HR: variants seen among roughly 807,000 people sequenced by gnomAD.
HR encodes the protein lysine-specific demethylase hairless.
Under a neutral mutation model 128.6 loss-of-function variants are expected in HR, and 83 were observed. The ratio of observed to expected loss-of-function variants is 0.65; its 90% confidence interval spans 0.54 to 0.77. The LOEUF (loss-of-function observed/expected upper bound fraction) is 0.77, where lower values mean the gene tolerates loss of function less well. HR is among the 30% of genes least tolerant of loss of function. The probability of loss-of-function intolerance (pLI) is 0.00; values close to 1 mark genes in which losing one functional copy is unlikely to be tolerated. For missense variants in HR, 1,490 were observed against 1,574.6 expected (o/e 0.95, Z 0.91); for synonymous variants, 681 against 658.2 (o/e 1.03, Z -0.53).
At position 22,129,182 on chromosome 8, in the gene HR, C is replaced by T; in HGVS notation, c.-12G>A. On this transcript the variant is annotated 5_prime_UTR_variant, in exon 2 of 19. Coordinates refer to ENST00000381418, the MANE Select transcript of HR (RefSeq NM_005144.5). ...GGCGTACTCTCCATCACTCTCCTGC[C>T]CTCATGGGGCTCTCCCAGAGGGGGG... 1 of 1,521,590 alleles carries T rather than the reference C, an allele frequency of 6.6e-7. No individual in the cohort carries two copies. Among genetic ancestry groups the T allele is most frequent in the Non-Finnish European group, 8.8e-7 (1 of 1,137,810 alleles). The allele number at this position is 1,521,590 out of a possible 1,614,324, so 94.3% of individuals were successfully genotyped here. A position where few individuals can be genotyped will look rare whatever the true frequency, so the allele number is the denominator to read the frequency against.
In HR at chr8:22,121,239, G is replaced by A. The variant is rs1292065276; in HGVS notation, c.2204-11C>T. On this transcript the variant is annotated splice_polypyrimidine_tract_variant and intron_variant, in intron 9 of 18. Transcript: ENST00000381418. Reference sequence around the variant, plus strand: ...CGGAATCGGGGGTCTCTGTCAGGGAGGAAGATGGTGGGGGGCTTCGCGTTT... The same window carrying A: ...CGGAATCGGGGGTCTCTGTCAGGGAAGAAGATGGTGGGGGGCTTCGCGTTT... 1 of 1,613,122 alleles carries A rather than the reference G, an allele frequency of 6.2e-7. No individual in the cohort carries two copies. The highest frequency in any genetic ancestry group is 2.2e-5 in the East Asian group (1 of 44,868).
intron 6 of HR, 125 bp downstream of exon 6, chr8:22,123,524 T>A (rs987813752): frequency 1.1e-6 from 1 of 914,356 alleles, no homozygotes. Context: ...CCATGGTGGC[T>A]GAGGCTGGGG....
chr8:22,126,216 AGGGCAGAGGCCT>A (rs1826886191), intron 3 of HR, among the ~76,000 whole-genome samples: 2 of 152,248 alleles, frequency 1.3e-5, no homozygotes, highest in South Asian at 2.1e-4. Context: ...ATTCCCAGCC[AGGGCAGAGGCCT>A]GGGCAGAGGG....
intron 2 of HR, 117 bp from the exon 3 acceptor site, chr8:22,127,946 T>C (rs1412162451): frequency 9.6e-7 from 1 of 1,044,676 alleles, no homozygotes; most frequent in Non-Finnish European, 1.5e-6. Flanking sequence ...CACATTCTGA[T>C]TAATAAACAG....
rs1004565717 is a variant in HR at position 22,129,329 on chromosome 8, T to C, written c.-40-119A>G. The C allele has an allele frequency of 9.1e-6, 7 of 767,626 alleles. No homozygotes were observed. In the South Asian group the frequency reaches 1.5e-4, roughly 16 times the overall value. The allele number at this position is 767,626 out of a possible 1,614,324, so 47.6% of individuals were successfully genotyped here. On this transcript the variant is annotated intron_variant, in intron 1 of 18. Transcript: ENST00000381418. ...AGGCAGCTCAAACCAGTAAGGCAAG[T>C]GCCAGCCCACAACTGGGCACCATGC... is the stretch of plus-strand genomic sequence containing the variant.
chr8:22,120,906 C>A lies in HR; in HGVS notation c.2420G>T (p.Arg807Leu). The A allele has an allele frequency of 6.4e-7, 1 of 1,560,832 alleles. No individual in the cohort carries two copies. The highest frequency in any genetic ancestry group is 8.7e-7 in the Non-Finnish European group (1 of 1,152,230). ...CCCCAGGGCTTTCTCCTGGATCTTC[C>A]GTTCCACCACCTGTGCGATAATGCT... is the stretch of plus-strand genomic sequence containing the variant. Reference protein sequence around the residue: ...LDSIIAQVVERKIQEKALGPG... With the variant: ...LDSIIAQVVELKIQEKALGPG... The change falls in exon 11 of 19, where the codon CGG (arginine) becomes CTG (leucine). Residue 807 changes from arginine (R) to leucine (L), a missense_variant. Arg to Leu is a moderately radical substitution (Grantham distance 102, BLOSUM62 -2). Around this residue, in one of 3 missense-constraint regions of HR, gnomAD observed 7 missense variants for 17.7 expected, o/e 0.40. Coordinates refer to ENST00000381418, the MANE Select transcript of HR (RefSeq NM_005144.5).
chr8:22,124,511 G>C (rs1826837047), intron 5 of HR, among the ~76,000 whole-genome samples: 1 of 152,228 alleles, frequency 6.6e-6, no homozygotes, highest in South Asian at 2.1e-4. Context: ...GGCCTCAGAG[G>C]TGGTTAGGAC....
In HR at chr8:22,120,757, G is replaced by A. The variant is rs560434995; in HGVS notation, c.2569C>T (p.Arg857Cys). 8.6e-6 allele frequency: 13 copies of A among 1,517,318 alleles called. No homozygotes were observed. Among genetic ancestry groups the A allele is most frequent in the Middle Eastern group, 2.0e-4 (1 of 5,122 alleles). The allele number at this position is 1,517,318 out of a possible 1,614,324, so 94.0% of individuals were successfully genotyped here. A position where few individuals can be genotyped will look rare whatever the true frequency, so the allele number is the denominator to read the frequency against. Reference protein sequence around the residue: ...WLQEPQPCPRRGFHLFQEHWR... With the variant: ...WLQEPQPCPRCGFHLFQEHWR... ...TGCTCCTGGAAGAGGTGGAAGCCAC[G>A]CCGAGGGCAAGGCTGGGGCTCCTGC... Residue 857 changes from arginine to cysteine, a missense_variant, in exon 11 of 19, where the codon CGT becomes TGT. By Grantham distance (180) the Arg-to-Cys change is radical. This residue lies in a region of HR where 423 missense variants were observed against 495.9 expected (regional missense o/e 0.85). Transcript: ENST00000381418.
chr8:22,120,962 C>A lies in HR; in HGVS notation c.2368-4G>T, dbSNP rs770717791. 12 of 1,600,948 alleles carry A rather than the reference C, an allele frequency of 7.5e-6. No individual in the cohort carries two copies. The highest frequency in any genetic ancestry group is 1.6e-4 in the Middle Eastern group (1 of 6,068). The stretch of plus-strand genomic sequence containing the variant: ...GGATGTTGGTGATGCGGTCATCCTG[C>A]AGAGAGGGGCACAGGGGCTTAGGAC... On this transcript the variant is annotated splice_polypyrimidine_tract_variant and splice_region_variant and intron_variant, in intron 10 of 18. Coordinates refer to ENST00000381418, the MANE Select transcript of HR (RefSeq NM_005144.5).
At position 22,121,180 on chromosome 8, in the gene HR, C is replaced by T; in HGVS notation, c.2252G>A (p.Gly751Glu). ...ETPAEDRAGR[G>E]PLPCPSLCEL... ...GCAGAGAGAAGGACAAGGCAGGGGC[C>T]CTCGGCCAGCACGGTCCTCTGCTGG... is the stretch of plus-strand genomic sequence containing the variant. Residue 751 changes from glycine to glutamate, a missense_variant, in exon 10 of 19, where the codon GGG (glycine) becomes GAG (glutamate). By Grantham distance (98) the Gly-to-Glu change is moderately conservative (BLOSUM62 -2). Coordinates refer to ENST00000381418, the MANE Select transcript of HR (RefSeq NM_005144.5). 1 of 1,613,942 alleles carries T rather than the reference C, an allele frequency of 6.2e-7. No homozygotes were observed. The highest frequency in any genetic ancestry group is 8.5e-7 in the Non-Finnish European group (1 of 1,180,030).
At chr8:22,130,035 A>C (rs1237345137) in intron 1 of HR, among the ~76,000 whole-genome samples, 3 of 152,170 alleles carry the variant, frequency 2.0e-5, no homozygotes, top group African/African-American at 7.2e-5. Flanking sequence ...CCGCCGCTGG[A>C]AACTTCAGCC....
chr8:22,121,357 C>G (rs925436907), intron 9 of HR, 129 bp from the exon 10 acceptor site: 4 of 1,224,256 alleles, frequency 3.3e-6, no homozygotes, highest in Non-Finnish European at 1.2e-6. Context: ...CATCCCCCAC[C>G]TCAGCTCTGC....
At position 22,121,678 on chromosome 8, in the gene HR, T is replaced by A. The variant is rs1046882912; in HGVS notation, c.2138A>T (p.Lys713Ile). Residue 713 changes from lysine to isoleucine, a missense_variant, in exon 9 of 19, where the codon AAA becomes ATA. Transcript: ENST00000381418. ...GGAAGGTTGTGGAGTTGGGGGCGTTTTCTGTGTTGATTCCTTCTGTTAAAC... is the reference window on the plus strand; with the variant it reads ...GGAAGGTTGTGGAGTTGGGGGCGTTATCTGTGTTGATTCCTTCTGTTAAAC... ...DAGQQKESTQ[K>I]TPPTPQPSCN... The A allele has an allele frequency of 1.9e-6, 3 of 1,614,158 alleles. No individual in the cohort carries two copies.
intron 11 of HR, 97 bp from the exon 12 acceptor site, chr8:22,120,604 G>C: frequency 6.3e-7 from 1 of 1,588,008 alleles, no homozygotes. Context: ...ACAGCTCGGG[G>C]ACAGCCCTCC....
rs1384171455 is a variant in HR, at chr8:22,121,651, C to A, written c.2165G>T (p.Cys722Phe). 3.1e-6 allele frequency: 5 copies of A among 1,614,172 alleles called. No individual in the cohort carries two copies. ...CTTGGTCCTGTGGGTGTCGCCATTG[C>A]AGGAAGGTTGTGGAGTTGGGGGCGT... The part of the protein sequence containing the change: ...QKTPPTPQPS[C>F]NGDTHRTKSI... Residue 722 changes from cysteine (C) to phenylalanine (F), a missense_variant, in exon 9 of 19, where the codon TGC becomes TTC. Physicochemically the swap from Cys to Phe is radical, Grantham distance 205. Coordinates refer to ENST00000381418, the MANE Select transcript of HR (RefSeq NM_005144.5).
intron 5 of HR, among the ~76,000 whole-genome samples, chr8:22,124,568 C>T (rs2131761696): frequency 6.6e-6 from 1 of 152,322 alleles, no homozygotes; most frequent in South Asian, 2.1e-4. Flanking sequence ...GAGATGGACC[C>T]ATAAATACAG....
intron 3 of HR, 58 bp downstream of exon 3, chr8:22,126,979 C>G: frequency 5.4e-6 from 8 of 1,469,848 alleles, no homozygotes; most frequent in African/African-American, 1.4e-5. Context: ...CCATGCGAAG[C>G]CCCAGCCCCG....
rs1383562722 is a variant in HR at position 22,128,609 on chromosome 8, A to G, written c.562T>C (p.Tyr188His). The change falls in exon 2 of 19, where the codon TAC (tyrosine) becomes CAC (histidine). Residue 188 changes from tyrosine (Y) to histidine (H), a missense_variant. Coordinates refer to ENST00000381418, the MANE Select transcript of HR (RefSeq NM_005144.5). ...DWPLTPHPWV[Y>H]SGGQPKVPSA... The stretch of plus-strand genomic sequence containing the variant: ...GGCACTTTGGGCTGGCCCCCGGAGT[A>G]TACCCAGGGGTGCGGGGTCAGGGGC... 2 of 1,607,984 alleles carry G rather than the reference A, an allele frequency of 1.2e-6. No homozygotes were observed. Among genetic ancestry groups the G allele is most frequent in the Non-Finnish European group, 1.7e-6 (2 of 1,178,146 alleles).
intron 6 of HR, 32 bp downstream of exon 6, chr8:22,123,617 T>TTTGGGC: frequency 3.4e-6 from 1 of 292,092 alleles, no homozygotes; most frequent in Non-Finnish European, 6.2e-6. Context: ...GAGGGCTCCA[T>TTTGGGC]CCCGCCCTCC....
Sources: gnomAD v4.1 joint callset for allele counts (sites outside exome capture counted in the v4.1 genomes callset) on GRCh38, gnomAD v4.1.1 for gene constraint, gnomAD v4.1.1 regional missense constraint, MANE v1.5 for transcripts, NCBI Gene and HGNC (gene_info 2026-07-23, HGNC 2026-07-21) for gene names.